The following APBB2 variants were observed in gnomAD, a reference collection of about 807,000 sequenced individuals.
APBB2 encodes Fe65-like 1.
In APBB2, 38 loss-of-function variants were observed where a neutral mutation model predicts 82.5. The ratio of observed to expected loss-of-function variants is 0.46; its 90% CI spans 0.36 to 0.60. The LOEUF is 0.60. Ranked by LOEUF, APBB2 falls within the 20% of genes least tolerant of loss-of-function variation. The probability of loss-of-function intolerance (pLI) is 0.00; values close to 1 mark genes in which losing one functional copy is unlikely to be tolerated. For missense variants in APBB2, 772 were observed against 972.3 expected, an observed-to-expected ratio of 0.79 and a Z score of 2.74; for synonymous variants, 341 against 368.2, an observed-to-expected ratio of 0.93 and a Z score of 0.85.
intron 12 of APBB2, among the ~76,000 whole-genome samples, chr4:40,854,801 AAAAAAAAAG>A (rs1760628093): frequency 6.6e-6 from 1 of 151,836 alleles, no homozygotes. Flanking sequence ...AAAAAAAAAA[AAAAAAAAAG>A]AAGAAAGAAA....
chr4:40,998,628 C>T (rs965899707), intron 6 of APBB2, among the ~76,000 whole-genome samples: 1 of 152,156 alleles, frequency 6.6e-6, no homozygotes, highest in African/African-American at 2.4e-5. Context: ...AGGATAAAGG[C>T]AGATAAGCAA....
intron 4 of APBB2, among the ~76,000 whole-genome samples, chr4:41,044,264 C>T (rs540270106): frequency 4.0e-5 from 6 of 151,676 alleles, no homozygotes; most frequent in African/African-American, 1.5e-4. Context: ...TGAAATGGTG[C>T]TCCATTAACC....
At chr4:40,872,372 G>A (rs1765757194) in intron 12 of APBB2, among the ~76,000 whole-genome samples, 1 of 152,234 alleles carries the variant, frequency 6.6e-6, no homozygotes, top group Non-Finnish European at 1.5e-5. Flanking sequence ...TAACAGAACA[G>A]GTGGGACCTG....
At chr4:41,167,976 T>C (rs191530370) in intron 1 of APBB2, among the ~76,000 whole-genome samples, 64 of 152,358 alleles carry the variant, frequency 4.2e-4, no homozygotes, top group Admixed American at 1.4e-3. Flanking sequence ...TTTAGAAATA[T>C]TGACAGCAAT....
chr4:41,107,122 C>T (rs971835390), intron 2 of APBB2, among the ~76,000 whole-genome samples: 1 of 152,000 alleles, frequency 6.6e-6, no homozygotes, highest in African/African-American at 2.4e-5. Flanking sequence ...TCAGCCTGGC[C>T]AACACAGTGA....
At chr4:40,863,671 T>C (rs1210495738) in intron 12 of APBB2, among the ~76,000 whole-genome samples, 9 of 151,708 alleles carry the variant, frequency 5.9e-5, no homozygotes, top group Non-Finnish European at 1.2e-4. Context: ...TGTGGACAGA[T>C]CATTTGAGGT....
chr4:41,022,759 G>A (rs1354432586), intron 5 of APBB2, among the ~76,000 whole-genome samples: 1 of 152,144 alleles, frequency 6.6e-6, no homozygotes, highest in Admixed American at 6.5e-5. Context: ...AAAGGCAAGT[G>A]TTTCAATTAA....
intron 4 of APBB2, among the ~76,000 whole-genome samples, chr4:41,063,551 T>C (rs1730580477): frequency 6.6e-6 from 1 of 152,228 alleles, no homozygotes; most frequent in Admixed American, 6.5e-5. Context: ...TGCTGGTTGT[T>C]GGTCCGAATC....
chr4:41,179,143 A>G (rs1424435230), intron 1 of APBB2, among the ~76,000 whole-genome samples: 1 of 152,244 alleles, frequency 6.6e-6, no homozygotes, highest in African/African-American at 2.4e-5. Flanking sequence ...CAATACAATG[A>G]CGAACACTTG....
intron 12 of APBB2, among the ~76,000 whole-genome samples, chr4:40,839,252 T>C: frequency 6.6e-6 from 1 of 151,782 alleles, no homozygotes; most frequent in Middle Eastern, 3.2e-3. Flanking sequence ...TCAAAATATA[T>C]TTTTTCTAAA....
At chr4:41,200,815 T>C (rs574909677) in intron 1 of APBB2, among the ~76,000 whole-genome samples, 80 of 152,290 alleles carry the variant, frequency 5.3e-4, no homozygotes, top group Non-Finnish European at 8.7e-4. Context: ...CCTGGGGAAT[T>C]CCCAGTGTTA....
intron 12 of APBB2, among the ~76,000 whole-genome samples, chr4:40,882,831 C>T (rs899602668): frequency 1.3e-5 from 2 of 152,152 alleles, no homozygotes; most frequent in African/African-American, 4.8e-5. Context: ...CACACTGCGT[C>T]GGAACGTTAG....
intron 10 of APBB2, among the ~76,000 whole-genome samples, chr4:40,905,654 G>GT (rs1341169337): frequency 6.6e-6 from 1 of 152,210 alleles, no homozygotes; most frequent in Non-Finnish European, 1.5e-5. Context: ...AGCAATCATT[G>GT]TGAGATTTAT....
intron 3 of APBB2, among the ~76,000 whole-genome samples, chr4:41,079,942 G>A (rs2153929749): frequency 6.6e-6 from 1 of 152,290 alleles, no homozygotes; most frequent in Non-Finnish European, 1.5e-5. Context: ...CTTTGGAAAT[G>A]TAAGCAGCTT....
At chr4:41,027,401 AT>A (rs1560560327) in intron 5 of APBB2, among the ~76,000 whole-genome samples, 89 of 119,524 alleles carry the variant, frequency 7.4e-4, no homozygotes, top group African/African-American at 2.0e-3. Context: ...ATATATATAT[AT>A]ATAACATTTT....
chr4:40,931,539 C>T (rs1038797347), intron 10 of APBB2, among the ~76,000 whole-genome samples: 1 of 152,186 alleles, frequency 6.6e-6, no homozygotes, highest in Non-Finnish European at 1.5e-5. Context: ...AGCCACTGTA[C>T]CAGCTTGCAA....
At chr4:41,008,906 G>T (rs1807540605) in intron 6 of APBB2, among the ~76,000 whole-genome samples, 1 of 152,186 alleles carries the variant, frequency 6.6e-6, no homozygotes, top group Admixed American at 6.5e-5. Flanking sequence ...TTGGGACTTG[G>T]TTTTCTCTGT....
intron 2 of APBB2, among the ~76,000 whole-genome samples, chr4:41,134,085 CT>C (rs1756852360): frequency 2.6e-5 from 4 of 152,286 alleles, no homozygotes; most frequent in Non-Finnish European, 5.9e-5. Context: ...GTCCACCCAC[CT>C]CTGCCTCTTG....
intron 1 of APBB2, among the ~76,000 whole-genome samples, chr4:41,146,323 CAAAAAAAAAAAAA>C (rs35546477): frequency 1.2e-4 from 7 of 58,344 alleles, no homozygotes; most frequent in Middle Eastern, 0.013. Flanking sequence ...AAGACTGTCT[CAAAAAAAAAAAAA>C]AAAAAAAAAA....
Sources: allele counts gnomAD v4.1 joint callset (sites outside exome capture counted in the v4.1 genomes callset), GRCh38; gene constraint gnomAD v4.1.1; transcripts MANE v1.5; gene names NCBI Gene and HGNC (gene_info 2026-07-23, HGNC 2026-07-21).